Variants in SLC25A26 observed in about 807,000 individuals in gnomAD.
SLC25A26 encodes the protein mitochondrial S-adenosylmethionine carrier protein.
SLC25A26 carries 36 observed loss-of-function variants against 37.8 expected under a neutral mutation model. The observed-to-expected ratio is 0.95, with a 90% CI of 0.73 to 1.26. The LOEUF is 1.26. Ranked by LOEUF, SLC25A26 falls within the 50% of genes most tolerant of loss-of-function variation. The pLI, the probability that SLC25A26 is intolerant of heterozygous loss-of-function variation, is 0.00. For missense variants in SLC25A26, 390 were observed against 331.1 expected (o/e 1.18, Z -1.38); for synonymous variants, 129 against 122.5 (o/e 1.05, Z -0.35).
upstream of SLC25A26, among the ~76,000 whole-genome samples, chr3:66,216,040 G>T (rs2071355857): frequency 6.6e-6 from 1 of 152,106 alleles, no homozygotes; most frequent in African/African-American, 2.4e-5. Flanking sequence ...AGGGAAAAAA[G>T]GCTGATTGAA....
intron 8 of SLC25A26, 26 bp from the exon 9 acceptor site, chr3:66,370,503 G>A (rs766913782): frequency 6.9e-6 from 11 of 1,594,448 alleles, no homozygotes; most frequent in East Asian, 4.5e-5. Flanking sequence ...AGAAGATAAC[G>A]GGTTTCTCTT....
At chr3:66,230,827 A>AC (rs1226046012) in intron 1 of SLC25A26, among the ~76,000 whole-genome samples, 19 of 150,912 alleles carry the variant, frequency 1.3e-4, no homozygotes, top group Admixed American at 1.1e-3. Flanking sequence ...AAACAAAAAA[A>AC]AACCAGAATT....
At chr3:66,262,494 A>G (rs2073568656) in intron 4 of SLC25A26, among the ~76,000 whole-genome samples, 1 of 152,232 alleles carries the variant, frequency 6.6e-6, no homozygotes. Flanking sequence ...TCCATGGAAG[A>G]GATTTAGTAC....
At chr3:66,184,620 A>ACCTTG (rs2070788205) in intron 1 of SLC25A26, among the ~76,000 whole-genome samples, 12 of 151,906 alleles carry the variant, frequency 7.9e-5, no homozygotes, top group South Asian at 2.1e-4. Context: ...TTACATGCTC[A>ACCTTG]ACCAAATCCT....
At chr3:66,261,273 C>T (rs1218684384) in intron 3 of SLC25A26, among the ~76,000 whole-genome samples, 2 of 152,206 alleles carry the variant, frequency 1.3e-5, no homozygotes, top group Non-Finnish European at 2.9e-5. Flanking sequence ...CATCTCCCTC[C>T]CTGTACCTTG....
At chr3:66,331,737 C>G (rs568624516) in intron 5 of SLC25A26, among the ~76,000 whole-genome samples, 13 of 151,886 alleles carry the variant, frequency 8.6e-5, no homozygotes, top group Non-Finnish European at 1.9e-4. Context: ...CTTTTCTTTC[C>G]CTGTACTCAG....
intron 5 of SLC25A26, among the ~76,000 whole-genome samples, chr3:66,287,240 T>G (rs1448870256): frequency 6.6e-6 from 1 of 150,440 alleles, no homozygotes; most frequent in Non-Finnish European, 1.5e-5. Flanking sequence ...AGCTTGCAGT[T>G]AGCCCAGATC....
Position 66,211,221 on chromosome 3 carries a change from A to G in SLC25A26, c.-353-9521A>G, listed in dbSNP as rs1011611015. ...TATTGATGTTCGACCTGTAGCATTA[A>G]GCGGACTGTGTTCATTTAGGACACA... On this transcript the variant is annotated intron_variant, in intron 1 of 10. Coordinates refer to the SLC25A26 transcript ENST00000676754. Among the ~76,000 whole-genome samples, 842 of 152,338 alleles carry G rather than the reference A, an allele frequency of 5.5e-3. 11 individuals are homozygous for G. Among genetic ancestry groups the G allele is most frequent in the African/African-American group, 0.019 (804 of 41,576 alleles).
chr3:66,152,195 T>TC (rs1220442013), intron 1 of SLC25A26, among the ~76,000 whole-genome samples: 1 of 152,188 alleles, frequency 6.6e-6, no homozygotes, highest in East Asian at 1.9e-4. Flanking sequence ...TCAGTAGATC[T>TC]GGAGAGGAGC....
chr3:66,304,107 C>A (rs2075149729), intron 5 of SLC25A26, among the ~76,000 whole-genome samples: 2 of 152,176 alleles, frequency 1.3e-5, no homozygotes, highest in South Asian at 4.1e-4. Context: ...GAAGTCAAGC[C>A]CATCCACGAT....
intron 5 of SLC25A26, among the ~76,000 whole-genome samples, chr3:66,301,547 TTAACA>T (rs2075076474): frequency 6.6e-6 from 1 of 152,170 alleles, no homozygotes; most frequent in Non-Finnish European, 1.5e-5. Context: ...AAGTAAAACT[TTAACA>T]AGAGGGACTG....
upstream of SLC25A26, among the ~76,000 whole-genome samples, chr3:66,218,956 T>C (rs1199593511): frequency 2.0e-5 from 3 of 152,364 alleles, no homozygotes; most frequent in Non-Finnish European, 2.9e-5. Context: ...GCTAAATGAC[T>C]CCTTGATTCT....
chr3:66,288,794 C>A (rs1198596164), intron 5 of SLC25A26, among the ~76,000 whole-genome samples: 1 of 152,150 alleles, frequency 6.6e-6, no homozygotes, highest in Non-Finnish European at 1.5e-5. Context: ...CATACTTGTG[C>A]ATGTGTCTTT....
intron 1 of SLC25A26, among the ~76,000 whole-genome samples, chr3:66,184,260 A>C (rs1468947986): frequency 6.6e-6 from 1 of 151,598 alleles, no homozygotes; most frequent in Non-Finnish European, 1.5e-5. Flanking sequence ...CCTCACCATA[A>C]CTCTGACCCT....
chr3:66,161,283 A>T (rs1308177241), intron 1 of SLC25A26, among the ~76,000 whole-genome samples: 1 of 152,162 alleles, frequency 6.6e-6, no homozygotes, highest in Non-Finnish European at 1.5e-5. Flanking sequence ...ATCAGCATAA[A>T]CTGGATCTGG....
chr3:66,212,574 A>C (rs2071298543), intron 1 of SLC25A26, among the ~76,000 whole-genome samples: 1 of 152,160 alleles, frequency 6.6e-6, no homozygotes, highest in Non-Finnish European at 1.5e-5. Flanking sequence ...CCCATGGATA[A>C]GGGGGATATA....
At chr3:66,284,847 T>C (rs1047823244) in intron 5 of SLC25A26, among the ~76,000 whole-genome samples, 2 of 152,210 alleles carry the variant, frequency 1.3e-5, no homozygotes, top group African/African-American at 4.8e-5. Context: ...GGAATCTGGG[T>C]GAAGAATATG....
intron 1 of SLC25A26, among the ~76,000 whole-genome samples, chr3:66,149,292 G>T (rs1476830217): frequency 6.6e-6 from 1 of 152,104 alleles, no homozygotes; most frequent in East Asian, 1.9e-4. Flanking sequence ...TTTTCACCCT[G>T]GACAGCCTTT....
chr3:66,269,082 G>A lies in SLC25A26; in HGVS notation c.453+5703G>A, dbSNP rs76483275. 3.9e-5 allele frequency among the ~76,000 whole-genome samples: 6 copies of A among 152,308 alleles called. No individual in the cohort carries two copies. The East Asian group carries it at 1.2e-3, about 29-fold the overall frequency. On this transcript the variant is annotated intron_variant, in intron 5 of 9. Transcript: ENST00000354883. ...TGTCCCTTACCAGCCATCTGCTCCT[G>A]ACAAGTTTACTTAATCTGAGTCCAG...
Sources: gnomAD v4.1 joint callset for allele counts (sites outside exome capture counted in the v4.1 genomes callset) on GRCh38, gnomAD v4.1.1 for gene constraint, MANE v1.5 for transcripts, NCBI Gene and HGNC (gene_info 2026-07-23, HGNC 2026-07-21) for gene names.